Variants in STARD13 observed in about 807,000 individuals in gnomAD.
STARD13 encodes the protein StAR related lipid transfer domain containing 13, also known as stAR-related lipid transfer protein 13.
In STARD13, 62 loss-of-function variants were observed where a neutral mutation model predicts 106.4. That is an observed-to-expected ratio of 0.58 (90% CI 0.48 to 0.72). STARD13 has a LOEUF of 0.72. STARD13 is among the 30% of genes least tolerant of loss of function. The pLI, the probability that STARD13 is intolerant of heterozygous loss-of-function variation, is 0.00. For missense variants in STARD13, 1,387 were observed against 1,424.0 expected (o/e 0.97, Z 0.42); for synonymous variants, 565 against 553.0 (o/e 1.02, Z -0.31).
chr13:33,600,366 C>G, the STARD13 span, among the ~76,000 whole-genome samples: 1 of 152,006 alleles, frequency 6.6e-6, no homozygotes, highest in Admixed American at 6.6e-5. Context: ...AAATATAGCC[C>G]GTGTAAAATG....
At chr13:33,239,287 A>G (rs1889351408) in intron 1 of STARD13, among the ~76,000 whole-genome samples, 4 of 152,168 alleles carry the variant, frequency 2.6e-5, no homozygotes, top group Admixed American at 2.6e-4. Flanking sequence ...TCATCAATGG[A>G]CATTTAGGTT....
intron 1 of STARD13, among the ~76,000 whole-genome samples, chr13:33,217,325 C>A (rs1205130422): frequency 6.6e-6 from 1 of 152,178 alleles, no homozygotes; most frequent in Non-Finnish European, 1.5e-5. Context: ...GGAGGCTGCC[C>A]CACCCTTGTG....
At chr13:33,559,568 G>T in the STARD13 span, among the ~76,000 whole-genome samples, 6 of 151,502 alleles carry the variant, frequency 4.0e-5, no homozygotes, top group Non-Finnish European at 7.4e-5. Flanking sequence ...TATAAGAAAA[G>T]GAAGAGGCCA....
the STARD13 span, among the ~76,000 whole-genome samples, chr13:33,431,507 G>A: frequency 6.6e-6 from 1 of 152,028 alleles, no homozygotes; most frequent in South Asian, 2.1e-4. Flanking sequence ...GCACTGTTGT[G>A]GAATAGATGT....
At chr13:33,116,002 T>C (rs1259690127) in intron 8 of STARD13, among the ~76,000 whole-genome samples, 4 of 152,232 alleles carry the variant, frequency 2.6e-5, no homozygotes, top group Non-Finnish European at 5.9e-5. Context: ...GTTCGTTGGA[T>C]ATTTGGTTCT....
the STARD13 span, among the ~76,000 whole-genome samples, chr13:33,385,047 A>G: frequency 6.0e-4 from 90 of 150,114 alleles, no homozygotes; most frequent in African/African-American, 1.9e-3. Context: ...ATATATATAT[A>G]TACACATGCA....
chr13:33,470,849 A>T, the STARD13 span, among the ~76,000 whole-genome samples: 1 of 152,146 alleles, frequency 6.6e-6, no homozygotes, highest in Non-Finnish European at 1.5e-5. Context: ...GATAGATTGC[A>T]AAAATTTTAT....
chr13:33,373,247 CAG>C, the STARD13 span, among the ~76,000 whole-genome samples: 1 of 152,162 alleles, frequency 6.6e-6, no homozygotes, highest in African/African-American at 2.4e-5. Context: ...GCACCCCAAA[CAG>C]AGCTCAAGCC....
intron 1 of STARD13, chr13:33,180,366 C>T (rs1885114631): frequency 6.6e-6 from 1 of 152,196 alleles, no homozygotes; most frequent in Admixed American, 6.5e-5. Context: ...TTAGCAATCA[C>T]ATGCCTGATA....
chr13:33,543,153 T>C, the STARD13 span, among the ~76,000 whole-genome samples: 1 of 152,252 alleles, frequency 6.6e-6, no homozygotes, highest in Admixed American at 6.5e-5. Flanking sequence ...CCGTATCAGT[T>C]CTTTAATCTT....
At chr13:33,604,233 C>G in the STARD13 span, among the ~76,000 whole-genome samples, 7 of 151,970 alleles carry the variant, frequency 4.6e-5, no homozygotes, top group Non-Finnish European at 1.0e-4. Context: ...ACATGTCAGA[C>G]AGAAATGTCA....
the STARD13 span, among the ~76,000 whole-genome samples, chr13:33,656,543 C>T: frequency 1.2e-4 from 18 of 152,280 alleles, no homozygotes; most frequent in African/African-American, 4.3e-4. Context: ...GCTCTCGTTC[C>T]TCATTGGTCA....
the STARD13 span, among the ~76,000 whole-genome samples, chr13:33,491,975 CA>C: frequency 6.6e-6 from 1 of 151,856 alleles, no homozygotes; most frequent in African/African-American, 2.4e-5. Flanking sequence ...GGAAGGGAGA[CA>C]GGGGTGGGGC....
intron 11 of STARD13, 69 bp downstream of exon 11, chr13:33,110,617 G>A (rs1254972950): frequency 7.3e-7 from 1 of 1,377,176 alleles, no homozygotes; most frequent in African/African-American, 1.4e-5. Context: ...TGTTTTCAAT[G>A]CAAAAACAAA....
At chr13:33,519,501 T>G in the STARD13 span, among the ~76,000 whole-genome samples, 4 of 151,862 alleles carry the variant, frequency 2.6e-5, no homozygotes, top group Non-Finnish European at 4.4e-5. Context: ...GGAATTTTTT[T>G]TATCCACTGG....
the STARD13 span, among the ~76,000 whole-genome samples, chr13:33,490,502 A>C: frequency 6.6e-6 from 1 of 152,154 alleles, no homozygotes; most frequent in South Asian, 2.1e-4. Context: ...GAGAGAAAGA[A>C]GAGTAGGGGC....
At chr13:33,424,469 C>T in the STARD13 span, among the ~76,000 whole-genome samples, 1 of 152,142 alleles carries the variant, frequency 6.6e-6, no homozygotes, top group Non-Finnish European at 1.5e-5. Context: ...CACATTATTG[C>T]CCTCTGCTTT....
At chr13:33,544,892 A>G in the STARD13 span, among the ~76,000 whole-genome samples, 2 of 144,562 alleles carry the variant, frequency 1.4e-5, no homozygotes, top group African/African-American at 5.1e-5. Flanking sequence ...TCCTGCCTCA[A>G]CCTCCTGAGT....
the STARD13 span, among the ~76,000 whole-genome samples, chr13:33,470,679 G>T: frequency 1.3e-4 from 20 of 152,324 alleles, no homozygotes; most frequent in Admixed American, 6.5e-4. Flanking sequence ...GACCAGTGAT[G>T]ATGAGCCTTT....
Sources: allele counts gnomAD v4.1 joint callset (sites outside exome capture counted in the v4.1 genomes callset), GRCh38; gene constraint gnomAD v4.1.1; transcripts MANE v1.5; gene names NCBI Gene and HGNC (gene_info 2026-07-23, HGNC 2026-07-21).